Variants in CD6 observed in about 807,000 individuals in gnomAD.
CD6 encodes the protein CD6 molecule.
In CD6, 53 loss-of-function variants were observed where a neutral mutation model predicts 75.3. The ratio of observed to expected loss-of-function variants is 0.70; its 90% CI spans 0.56 to 0.88. CD6 has a LOEUF of 0.88. CD6 is among the 40% of genes least tolerant of loss of function. The pLI is 0.00. For missense variants in CD6, 770 were observed against 897.1 expected (o/e 0.86, Z 1.81); for synonymous variants, 359 against 381.5 (o/e 0.94, Z 0.69).
chr11:60,994,304 G>A (rs1469217687), intron 1 of CD6, among the ~76,000 whole-genome samples: 1 of 151,726 alleles, frequency 6.6e-6, no homozygotes, highest in Non-Finnish European at 1.5e-5. Flanking sequence ...AGCCAGGCGT[G>A]GTGGCACACA....
intron 1 of CD6, among the ~76,000 whole-genome samples, chr11:61,003,744 A>C (rs1461028727): frequency 6.6e-6 from 1 of 152,182 alleles, no homozygotes; most frequent in Non-Finnish European, 1.5e-5. Context: ...AAAACAAAAA[A>C]GGTGATAATG....
chr11:60,985,055 T>C (rs1175806883), intron 1 of CD6: 1 of 152,214 alleles, frequency 6.6e-6, no homozygotes, highest in Non-Finnish European at 1.5e-5. Flanking sequence ...TTTTCTTTTT[T>C]TAAACAAAGA....
intron 8 of CD6, among the ~76,000 whole-genome samples, chr11:61,014,593 G>A (rs1334209110): frequency 6.6e-6 from 1 of 152,094 alleles, no homozygotes; most frequent in Non-Finnish European, 1.5e-5. Flanking sequence ...AAATTAGACA[G>A]GTGTGGTGGC....
Position 60,971,869 on chromosome 11 carries a change from T to C in CD6, c.4T>C (p.Trp2Arg). The C allele has an allele frequency of 6.2e-7, 1 of 1,613,908 alleles. No individual in the cohort carries two copies. The highest frequency in any genetic ancestry group is 8.5e-7 in the Non-Finnish European group (1 of 1,179,922). M[W>R]LFFGITGLLT... ...GCAGCCAGAGACAGCTCCAGACATG[T>C]GGCTCTTCTTCGGGATCACTGGATT... The change falls in exon 1 of 13, where the codon TGG becomes CGG. Residue 2 changes from tryptophan to arginine, a missense_variant. Transcript: ENST00000313421.
intron 1 of CD6, among the ~76,000 whole-genome samples, chr11:60,994,448 C>T (rs1181289741): frequency 4.1e-4 from 2 of 4,854 alleles, no homozygotes; most frequent in African/African-American, 3.5e-3. Context: ...CCCTCCCCAA[C>T]ACCCCCGCCA....
In CD6 at chr11:61,019,535, C is replaced by A; in HGVS notation, c.*217C>A. On this transcript the variant is annotated 3_prime_UTR_variant, in exon 13 of 13. Coordinates refer to ENST00000313421, the MANE Select transcript of CD6 (RefSeq NM_006725.5). ...GCCCTCCCCCGGCCCCAGATAGCAG[C>A]CCCAGGGAGGATGCTGCCTCCAAGA... 1 of 435,588 alleles carries A rather than the reference C, an allele frequency of 2.3e-6. No individual in the cohort carries two copies. The highest frequency in any genetic ancestry group is 3.4e-5 in the East Asian group (1 of 29,458). The allele number at this position is 435,588 out of a possible 1,614,324, so 27.0% of individuals were successfully genotyped here. A position where few individuals can be genotyped will look rare whatever the true frequency, so the allele number is the denominator to read the frequency against.
chr11:60,984,821 G>A (rs1857736557), intron 1 of CD6, among the ~76,000 whole-genome samples: 4 of 152,198 alleles, frequency 2.6e-5, no homozygotes. Context: ...GAGGAGCAGG[G>A]GCGGAGGCCC....
At position 61,020,107 on chromosome 11, in the gene CD6, G is replaced by T. The variant is rs928196969; in HGVS notation, c.*789G>T. 2 of 398,720 alleles carry T rather than the reference G, an allele frequency of 5.0e-6. No homozygotes were observed. The highest frequency in any genetic ancestry group is 4.4e-6 in the Non-Finnish European group (1 of 226,210). The allele number at this position is 398,720 out of a possible 1,614,324, so 24.7% of individuals were successfully genotyped here. On this transcript the variant is annotated 3_prime_UTR_variant, in exon 13 of 13. Transcript: ENST00000313421. ...AGGGCCCCAGCCCAGCCCCACCACA[G>T]ATCCCAGAGATAGGGGCCCAGTCTC...
chr11:61,015,664 C>A, intron 8 of CD6, 49 bp from the exon 9 acceptor site: 1 of 1,610,320 alleles, frequency 6.2e-7, no homozygotes, highest in Non-Finnish European at 8.5e-7. Context: ...CCTCCCTACA[C>A]CTTTCCGCCC....
At chr11:60,981,774 T>C (rs60176645) in intron 1 of CD6, among the ~76,000 whole-genome samples, 9,437 of 152,150 alleles carry the variant, frequency 0.062, 463 homozygotes, top group African/African-American at 0.14. Flanking sequence ...GCCTTCTGCC[T>C]GAAAATGGCG....
chr11:60,980,349 A>T (rs1857516135), intron 1 of CD6, among the ~76,000 whole-genome samples: 1 of 152,128 alleles, frequency 6.6e-6, no homozygotes, highest in Admixed American at 6.5e-5. Flanking sequence ...ACAAAAAATT[A>T]AAAAGTTAGC....
chr11:60,978,278 C>A (rs556537610), intron 1 of CD6, among the ~76,000 whole-genome samples: 140 of 152,274 alleles, frequency 9.2e-4, no homozygotes, highest in Non-Finnish European at 1.5e-3. Context: ...TGCTCTGCAG[C>A]CTGGGGTTAC....
chr11:60,982,703 ATGTC>A (rs1565143095), intron 1 of CD6: 1 of 456,052 alleles, frequency 2.2e-6, no homozygotes, highest in Non-Finnish European at 4.4e-6. Flanking sequence ...AAGTATGACA[ATGTC>A]TGAGCTGGAA....
intron 1 of CD6, among the ~76,000 whole-genome samples, chr11:60,977,303 A>C (rs1857400940): frequency 6.6e-6 from 1 of 152,142 alleles, no homozygotes; most frequent in African/African-American, 2.4e-5. Flanking sequence ...AGGAGCTTGG[A>C]GTGTAGACCT....
intron 8 of CD6, 116 bp downstream of exon 8, chr11:61,014,130 G>A: frequency 2.9e-6 from 2 of 701,676 alleles, no homozygotes; most frequent in South Asian, 4.2e-5. Flanking sequence ...GATGAGATCT[G>A]GGCCAGCCCA....
Position 60,972,652 on chromosome 11 carries a change from C to T in CD6, c.49+738C>T, listed in dbSNP as rs1487740715. 3.9e-5 allele frequency among the ~76,000 whole-genome samples: 6 copies of T among 152,140 alleles called. No homozygotes were observed. In the East Asian group the frequency reaches 1.2e-3, roughly 29 times the overall value. ...CTGGAGATGCAAGAGATCCTGACCC[C>T]ATCGAGCTCTCACATTTTGGGATTT... On this transcript the variant is annotated intron_variant, in intron 1 of 12. Coordinates refer to ENST00000313421, the MANE Select transcript of CD6 (RefSeq NM_006725.5).
intron 1 of CD6, among the ~76,000 whole-genome samples, chr11:60,979,719 G>A (rs893480665): frequency 1.3e-5 from 2 of 152,078 alleles, no homozygotes; most frequent in East Asian, 1.9e-4. Flanking sequence ...CCACCCGCCC[G>A]CCTCAGCCTC....
Position 61,007,914 on chromosome 11 carries a change from C to T in CD6, c.469+4C>T. 1 of 1,331,894 alleles carries T rather than the reference C, an allele frequency of 7.5e-7. No individual in the cohort carries two copies. The highest frequency in any genetic ancestry group is 3.1e-5 in the East Asian group (1 of 32,274). 82.5% of individuals were successfully genotyped at this position (1,331,894 alleles called of 1,614,324 possible). A position where few individuals can be genotyped will look rare whatever the true frequency, so the allele number is the denominator to read the frequency against. ...CGGGCCCGTGTCACCTGTGCAGGTA[C>T]GAGCGCACCCCCTACACGGGCCCCC... On this transcript the variant is annotated splice_donor_region_variant and intron_variant, in intron 3 of 12. Transcript: ENST00000313421. This position sits in a 1 kb window ranked among gnomAD's most constrained non-coding sequence, Gnocchi z 4.2.
chr11:61,001,609 A>T (rs1226343178), intron 1 of CD6, among the ~76,000 whole-genome samples: 1 of 152,226 alleles, frequency 6.6e-6, no homozygotes, highest in South Asian at 2.1e-4. Context: ...TTAGGTTTTA[A>T]TATCTTCTTA....
Sources: gnomAD v4.1 joint callset for allele counts (sites outside exome capture counted in the v4.1 genomes callset) on GRCh38, gnomAD v4.1.1 for gene constraint, Gnocchi (gnomAD v3.1) non-coding constraint, MANE v1.5 for transcripts, NCBI Gene and HGNC (gene_info 2026-07-23, HGNC 2026-07-21) for gene names.